The following SF1 variants were observed in gnomAD, a reference collection of about 807,000 sequenced individuals.
The protein encoded by SF1 is splicing factor 1, also known as branch point-binding protein.
SF1 carries 7 observed loss-of-function variants against 62.5 expected under a neutral mutation model. The ratio of observed to expected loss-of-function variants is 0.11; its 90% CI spans 0.06 to 0.21. SF1 has a LOEUF of 0.21. Among genes scored for constraint, SF1 ranks in the 10% least tolerant of loss-of-function variants. The pLI is 1.00. For missense variants in SF1, 578 were observed against 884.0 expected (o/e 0.65, Z 4.39); for synonymous variants, 394 against 323.6 (o/e 1.22, Z -2.33).
Position 64,765,557 on chromosome 11 carries a change from T to C in SF1, c.*261A>G. On this transcript the variant is annotated 3_prime_UTR_variant, in exon 13 of 13. Transcript: ENST00000377390. ...TTGGGGAGAGGCAAAGGGAGTTGGG[T>C]GAGGAGAGAAAGAAGACAAAGAAGA... 1 of 1,574,146 alleles carries C rather than the reference T, an allele frequency of 6.4e-7. No individual in the cohort carries two copies. The highest frequency in any genetic ancestry group is 8.6e-7 in the Non-Finnish European group (1 of 1,163,348).
At chr11:64,774,149 A>G (rs1214161326) in intron 2 of SF1, among the ~76,000 whole-genome samples, 1 of 152,250 alleles carries the variant, frequency 6.6e-6, no homozygotes, top group Non-Finnish European at 1.5e-5. Context: ...ATTCAATTAT[A>G]TGAAATATTT....
intron 12 of SF1, 106 bp from the exon 13 acceptor site, chr11:64,766,261 A>T: frequency 4.3e-5 from 1 of 23,424 alleles, no homozygotes; most frequent in Non-Finnish European, 8.0e-5. Context: ...CTTGCTTGGC[A>T]TGCGGTACGG....
At chr11:64,772,756 C>T in intron 3 of SF1, 1 of 985,186 alleles carries the variant, frequency 1.0e-6, no homozygotes. Flanking sequence ...AAACTGCAAA[C>T]TGAAATGACA....
chr11:64,778,035 G>T, intron 1 of SF1: 1 of 1,010,922 alleles, frequency 9.9e-7, no homozygotes, highest in Non-Finnish European at 1.2e-6. Context: ...CGCGGCGGCT[G>T]GGGTGGCGGC....
At position 64,770,037 on chromosome 11, in the gene SF1, C is replaced by T. The variant is rs1297299631; in HGVS notation, c.406G>A (p.Val136Met). 2 of 1,613,808 alleles carry T rather than the reference C, an allele frequency of 1.2e-6. No homozygotes were observed. Among genetic ancestry groups the T allele is most frequent in the Non-Finnish European group, 1.7e-6 (2 of 1,179,810 alleles). The stretch of plus-strand genomic sequence containing the variant: ...TGTGGAATCATGACTTTATCACTCA[C>T]ACGTGTTGCTGGAGGTCTAAGAAAG... The part of the protein sequence containing the change: ...PADYKPPATR[V>M]SDKVMIPQDE... The change falls in exon 5 of 13, where the codon GTG (valine) becomes ATG (methionine). Residue 136 changes from valine (V) to methionine (M), a missense_variant. Around this residue, in one of 7 missense-constraint regions of SF1, gnomAD observed 68 missense variants for 170.7 expected, o/e 0.40. Transcript: ENST00000377390.
intron 9 of SF1, 41 bp from the exon 10 acceptor site, chr11:64,767,885 T>C (rs575375): frequency 0.99 from 1,588,600 of 1,596,630 alleles, 790,673 homozygotes; most frequent in East Asian, 1. Context: ...TGCCTGCGCC[T>C]CCTAGTGGCA....
chr11:64,774,837 T>C (rs1241342686), intron 2 of SF1, among the ~76,000 whole-genome samples: 4 of 151,856 alleles, frequency 2.6e-5, no homozygotes, highest in African/African-American at 7.3e-5. Flanking sequence ...GGCGTGCGCC[T>C]GTAGTCCCAG....
At position 64,767,174 on chromosome 11, in the gene SF1, C is replaced by A; in HGVS notation, c.1402+18G>T. 1 of 1,613,980 alleles carries A rather than the reference C, an allele frequency of 6.2e-7. No individual in the cohort carries two copies. The highest frequency in any genetic ancestry group is 1.7e-4 in the Middle Eastern group (1 of 6,058). On this transcript the variant is annotated intron_variant, in intron 11 of 12. Transcript: ENST00000377390. ...CCCAAGCCTAGGTGAAGACCCACAG[C>A]CAGCAGACAGCCATTACCTTTTCCT... is the stretch of plus-strand genomic sequence containing the variant.
At chr11:64,777,740 G>C in intron 1 of SF1, 5 of 985,626 alleles carry the variant, frequency 5.1e-6, no homozygotes, top group South Asian at 4.7e-5. Flanking sequence ...GCGCCGCACA[G>C]CCCGGCCACC....
Position 64,778,384 on chromosome 11 carries a change from G to A in SF1, c.9C>T (p.Thr3=). The A allele has an allele frequency of 8.1e-7, 1 of 1,228,784 alleles. No homozygotes were observed. Among genetic ancestry groups the A allele is most frequent in the East Asian group, 3.2e-5 (1 of 31,268 alleles). The allele number at this position is 1,228,784 out of a possible 1,614,324, so 76.1% of individuals were successfully genotyped here. The part of the protein sequence containing the change: MA[T]GANATPLDFP... The stretch of plus-strand genomic sequence containing the variant: ...TACCCAACGGCGTGGCGTTCGCTCC[G>A]GTCGCCATGGCGCCCCCGGGGACAG... Residue 3 remains threonine (T), a synonymous_variant, in exon 1 of 13, where the codon ACC becomes ACT. Coordinates refer to ENST00000377390, the MANE Select transcript of SF1 (RefSeq NM_004630.4).
At chr11:64,767,133 C>A in intron 11 of SF1, 54 bp from the exon 12 acceptor site, 1 of 1,612,558 alleles carries the variant, frequency 6.2e-7, no homozygotes, top group South Asian at 1.1e-5. Context: ...GGGACTTGGG[C>A]CAGAACCCCC....
chr11:64,773,339 T>C, intron 3 of SF1, 91 bp downstream of exon 3: 2 of 1,546,800 alleles, frequency 1.3e-6, no homozygotes, highest in South Asian at 2.4e-5. Context: ...ACTATGATTT[T>C]ATTGAACTGA....
chr11:64,765,502 C>T lies in SF1; in HGVS notation c.*316G>A, dbSNP rs371350442. 63 of 1,610,666 alleles carry T rather than the reference C, an allele frequency of 3.9e-5. No individual in the cohort carries two copies. The highest frequency in any genetic ancestry group is 5.5e-5 in the South Asian group (5 of 90,704). ...TCACTCTCATGGCTCGGGCCATCGC[C>T]GCCGCGGGGAGGGATCCTGGCGGCC... On this transcript the variant is annotated 3_prime_UTR_variant, in exon 13 of 13. Coordinates refer to ENST00000377390, the MANE Select transcript of SF1 (RefSeq NM_004630.4).
chr11:64,773,316 G>A, intron 3 of SF1, 114 bp downstream of exon 3: 5 of 1,523,998 alleles, frequency 3.3e-6, no homozygotes, highest in Non-Finnish European at 4.4e-6. Flanking sequence ...AGTGGTCAGG[G>A]TACAGTCGTC....
chr11:64,769,956 T>C lies in SF1; in HGVS notation c.479+8A>G, dbSNP rs750293938. On this transcript the variant is annotated splice_region_variant and intron_variant, in intron 5 of 12. Coordinates refer to ENST00000377390, the MANE Select transcript of SF1 (RefSeq NM_004630.4). ...AATTCTATATCCTATAGACCAGCAG[T>C]TACTCACCTGGGCCCGATGAGCAGC... is the stretch of plus-strand genomic sequence containing the variant. The C allele has an allele frequency of 5.6e-6, 9 of 1,603,524 alleles. No homozygotes were observed. In the South Asian group the frequency reaches 7.7e-5, roughly 14 times the overall value.
chr11:64,768,736 C>T (rs1453132956), intron 8 of SF1, among the ~76,000 whole-genome samples: 1 of 152,196 alleles, frequency 6.6e-6, no homozygotes, highest in Non-Finnish European at 1.5e-5. Flanking sequence ...ATTGCTTAGT[C>T]TTCTTGAACC....
chr11:64,768,062 G>A (rs1937638579), intron 9 of SF1, 44 bp downstream of exon 9: 1 of 1,576,282 alleles, frequency 6.3e-7, no homozygotes, highest in Non-Finnish European at 8.6e-7. Flanking sequence ...CTCTGCAGTA[G>A]AGAATGGGGA....
At chr11:64,766,192 G>C in intron 12 of SF1, 37 bp from the exon 13 acceptor site, 1 of 1,565,692 alleles carries the variant, frequency 6.4e-7, no homozygotes, top group Non-Finnish European at 8.7e-7. Context: ...ACACGCGCGG[G>C]GGCACACCGC....
chr11:64,769,167 C>T, intron 7 of SF1, 38 bp from the exon 8 acceptor site: 1 of 1,609,460 alleles, frequency 6.2e-7, no homozygotes, highest in Non-Finnish European at 8.5e-7. Context: ...AGGGAACAAT[C>T]TCTACTTCCA....
Sources: gnomAD v4.1 joint callset for allele counts (sites outside exome capture counted in the v4.1 genomes callset) on GRCh38, gnomAD v4.1.1 for gene constraint, gnomAD v4.1.1 regional missense constraint, MANE v1.5 for transcripts, NCBI Gene and HGNC (gene_info 2026-07-23, HGNC 2026-07-21) for gene names.